BBOX1: variants seen among roughly 807,000 people sequenced by gnomAD.
The protein encoded by BBOX1 is gamma-butyrobetaine hydroxylase 1.
In BBOX1, 35 loss-of-function variants were observed where a neutral mutation model predicts 41.6. The observed-to-expected ratio is 0.84, with a 90% CI of 0.64 to 1.11. The LOEUF is 1.11. Among genes scored for constraint, BBOX1 ranks in the 50% most tolerant of loss-of-function variants. The pLI, the probability that BBOX1 is intolerant of heterozygous loss-of-function variation, is 0.00. For synonymous variants in BBOX1, 163 were observed against 154.7 expected, an observed-to-expected ratio of 1.05 and a Z score of -0.40; for missense variants, 458 against 460.6, an observed-to-expected ratio of 0.99 and a Z score of 0.05.
intron 5 of BBOX1, among the ~76,000 whole-genome samples, chr11:27,098,824 A>G (rs1309256487): frequency 1.3e-5 from 2 of 151,884 alleles, no homozygotes; most frequent in Non-Finnish European, 2.9e-5. Context: ...TTTAAAAAAT[A>G]TTTGTCAACT....
chr11:27,063,031 G>A (rs1368106815), intron 4 of BBOX1: 1 of 152,244 alleles, frequency 6.6e-6, no homozygotes, highest in African/African-American at 2.4e-5. Flanking sequence ...ACTGGGGTCA[G>A]GGTAACCGTA....
intron 5 of BBOX1, among the ~76,000 whole-genome samples, chr11:27,098,034 T>G (rs865946607): frequency 1.1e-4 from 16 of 152,020 alleles, no homozygotes; most frequent in Middle Eastern, 3.2e-3. Context: ...TCAGGACCGC[T>G]TCTTTCTCTT....
chr11:27,103,451 G>A lies in BBOX1; in HGVS notation c.533+10085G>A, dbSNP rs567269154. Among the ~76,000 whole-genome samples the A allele has an allele frequency of 6.1e-3, 918 of 151,730 alleles. 12 individuals carry two copies. Among genetic ancestry groups the A allele is most frequent in the African/African-American group, 0.021 (859 of 41,400 alleles). On this transcript the variant is annotated intron_variant, in intron 5 of 8. Coordinates refer to ENST00000263182, the MANE Select transcript of BBOX1 (RefSeq NM_003986.3). ...AAGTATATCTTAAGTCTTCTTTGCC[G>A]GTCCTCTTGTTACTTTCTCTCAAAT...
At chr11:27,125,431 G>C (rs112435954) in intron 7 of BBOX1, among the ~76,000 whole-genome samples, 1 of 151,740 alleles carries the variant, frequency 6.6e-6, no homozygotes, top group Non-Finnish European at 1.5e-5. Context: ...TTTAAGTTGA[G>C]TTCTCCTGGT....
intron 4 of BBOX1, among the ~76,000 whole-genome samples, chr11:27,077,415 T>G (rs1025481337): frequency 6.6e-6 from 1 of 152,116 alleles, no homozygotes; most frequent in Non-Finnish European, 1.5e-5. Context: ...CCTCGCACTC[T>G]GGGGACTTAC....
intron 4 of BBOX1, among the ~76,000 whole-genome samples, chr11:27,060,847 T>G (rs892883283): frequency 5.9e-5 from 9 of 152,186 alleles, no homozygotes; most frequent in Non-Finnish European, 1.3e-4. Flanking sequence ...TACCAGTTCA[T>G]TTTTCCCTGT....
intron 5 of BBOX1, among the ~76,000 whole-genome samples, chr11:27,104,366 G>T (rs1025215380): frequency 2.6e-5 from 4 of 152,064 alleles, no homozygotes; most frequent in Non-Finnish European, 4.4e-5. Flanking sequence ...GCTTTGAAAG[G>T]TTTGTCTCTA....
chr11:27,117,730 C>T (rs891355397), intron 6 of BBOX1, among the ~76,000 whole-genome samples: 1 of 151,906 alleles, frequency 6.6e-6, no homozygotes, highest in East Asian at 1.9e-4. Context: ...ATAAATGTTC[C>T]TGAAGTATAA....
At chr11:27,105,100 T>C (rs911889870) in intron 5 of BBOX1, among the ~76,000 whole-genome samples, 1 of 152,060 alleles carries the variant, frequency 6.6e-6, no homozygotes, top group African/African-American at 2.4e-5. Flanking sequence ...TACGTCACCA[T>C]CATCAAAGAC....
chr11:27,074,410 G>A (rs1394541683), intron 4 of BBOX1, among the ~76,000 whole-genome samples: 2 of 152,022 alleles, frequency 1.3e-5, no homozygotes, highest in Admixed American at 6.6e-5. Flanking sequence ...GGAAGATGTG[G>A]GAAAGTTTGG....
chr11:27,081,908 T>C lies in BBOX1; in HGVS notation c.335-11260T>C, dbSNP rs181493548. On this transcript the variant is annotated intron_variant, in intron 4 of 8. Coordinates refer to ENST00000263182, the MANE Select transcript of BBOX1 (RefSeq NM_003986.3). The stretch of plus-strand genomic sequence containing the variant: ...GCCCACTTTTTGATGGGGTTGTTTG[T>C]TTTTTTCTTGTAAATTTGTTGAAGT... Among the ~76,000 whole-genome samples the C allele has an allele frequency of 6.4e-3, 975 of 152,256 alleles. 13 individuals are homozygous for C. The highest frequency in any genetic ancestry group is 0.022 in the African/African-American group (921 of 41,570).
chr11:27,041,829 A>G (rs1431516704), intron 2 of BBOX1, among the ~76,000 whole-genome samples: 1 of 152,202 alleles, frequency 6.6e-6, no homozygotes, highest in African/African-American at 2.4e-5. Context: ...AACGCTGTCT[A>G]AAAAGAGACT....
chr11:27,096,026 C>T (rs892957938), intron 5 of BBOX1, among the ~76,000 whole-genome samples: 5 of 151,884 alleles, frequency 3.3e-5, no homozygotes, highest in Non-Finnish European at 7.4e-5. Flanking sequence ...TGGTATTTGG[C>T]CTGAGTATCA....
At chr11:27,122,916 CAT>C (rs1417709688) in intron 7 of BBOX1, among the ~76,000 whole-genome samples, 1 of 152,038 alleles carries the variant, frequency 6.6e-6, no homozygotes, top group Non-Finnish European at 1.5e-5. Context: ...CAGTTACTCC[CAT>C]CTTTTGTGGC....
chr11:27,098,776 AG>A (rs1858538542), intron 5 of BBOX1, among the ~76,000 whole-genome samples: 1 of 152,054 alleles, frequency 6.6e-6, no homozygotes. Flanking sequence ...AGAGAAAGGG[AG>A]AGAAAGAAAG....
intron 5 of BBOX1, among the ~76,000 whole-genome samples, chr11:27,104,568 G>A (rs769689843): frequency 6.6e-5 from 10 of 152,106 alleles, no homozygotes; most frequent in East Asian, 3.9e-4. Flanking sequence ...GGAGATTTTC[G>A]TATTAGTTTA....
intron 5 of BBOX1, among the ~76,000 whole-genome samples, chr11:27,107,584 C>A (rs765846160): frequency 6.6e-5 from 10 of 152,048 alleles, no homozygotes; most frequent in Admixed American, 1.3e-4. Flanking sequence ...TCTCAGTAAT[C>A]TGCTTGAGTT....
At chr11:27,126,142 T>C (rs1859642942) in intron 8 of BBOX1, among the ~76,000 whole-genome samples, 1 of 152,210 alleles carries the variant, frequency 6.6e-6, no homozygotes, top group South Asian at 2.1e-4. Context: ...TTCCAGTTAC[T>C]TGAGATAAAA....
chr11:27,050,183 T>C (rs1447962562), intron 2 of BBOX1, among the ~76,000 whole-genome samples: 1 of 152,180 alleles, frequency 6.6e-6, no homozygotes, highest in East Asian at 1.9e-4. Flanking sequence ...CATTTATTTG[T>C]AGGCTGACTA....
Sources: gnomAD v4.1 joint callset for allele counts (sites outside exome capture counted in the v4.1 genomes callset) on GRCh38, gnomAD v4.1.1 for gene constraint, MANE v1.5 for transcripts, NCBI Gene and HGNC (gene_info 2026-07-23, HGNC 2026-07-21) for gene names.